NMNAT3: variants seen among roughly 807,000 people sequenced by gnomAD.
The protein encoded by NMNAT3 is nicotinamide nucleotide adenylyltransferase 3, also known as nicotinamide/nicotinic acid mononucleotide adenylyltransferase 3.
A neutral mutation model predicts 24.8 loss-of-function variants in NMNAT3; 21 were observed. That is an observed-to-expected ratio of 0.85 (90% CI 0.60 to 1.22). The LOEUF (loss-of-function observed/expected upper bound fraction) is 1.22. Among genes scored for constraint, NMNAT3 ranks in the 50% most tolerant of loss-of-function variants. The pLI is 0.00. For missense variants in NMNAT3, 387 were observed against 436.6 expected (o/e 0.89, Z 1.01); for synonymous variants, 136 against 155.2 (o/e 0.88, Z 0.92).
At chr3:139,604,743 A>G (rs2054865934) in intron 3 of NMNAT3, among the ~76,000 whole-genome samples, 1 of 152,204 alleles carries the variant, frequency 6.6e-6, no homozygotes, top group Non-Finnish European at 1.5e-5. Flanking sequence ...TAAATATATC[A>G]TCTTGCATGA....
At chr3:139,594,241 A>C (rs1449839515) in intron 3 of NMNAT3, among the ~76,000 whole-genome samples, 1 of 152,132 alleles carries the variant, frequency 6.6e-6, no homozygotes, top group South Asian at 2.1e-4. Context: ...CGACACATAC[A>C]CTCTCCCAAG....
At chr3:139,606,298 C>T (rs2054940819) in intron 3 of NMNAT3, among the ~76,000 whole-genome samples, 2 of 152,148 alleles carry the variant, frequency 1.3e-5, no homozygotes, top group African/African-American at 4.8e-5. Context: ...GAGCACTGGT[C>T]AGTTATTTTG....
chr3:139,610,178 G>A (rs2055142306), intron 3 of NMNAT3, among the ~76,000 whole-genome samples: 1 of 152,064 alleles, frequency 6.6e-6, no homozygotes, highest in Non-Finnish European at 1.5e-5. Context: ...CTCATGAAGT[G>A]TCTGAGGGCC....
intron 1 of NMNAT3, among the ~76,000 whole-genome samples, chr3:139,652,997 T>G (rs989977877): frequency 2.0e-5 from 3 of 152,236 alleles, no homozygotes; most frequent in African/African-American, 7.2e-5. Flanking sequence ...GGTTTCATGA[T>G]AAGTATTTTA....
chr3:139,561,874 C>T (rs924080791), intron 6 of NMNAT3, among the ~76,000 whole-genome samples: 1 of 152,134 alleles, frequency 6.6e-6, no homozygotes, highest in Non-Finnish European at 1.5e-5. Flanking sequence ...ATAACAATCT[C>T]ACTATAAAGA....
chr3:139,674,578 A>G (rs1440781607), intron 1 of NMNAT3, among the ~76,000 whole-genome samples: 3 of 152,262 alleles, frequency 2.0e-5, no homozygotes, highest in African/African-American at 7.2e-5. Context: ...TGAACTTGAA[A>G]GGCACACAAA....
intron 6 of NMNAT3, chr3:139,572,145 G>C: frequency 2.5e-6 from 1 of 398,940 alleles, no homozygotes. Flanking sequence ...GGTGGGGGCT[G>C]GGGCTGGCTG....
chr3:139,647,209 CT>C (rs1348355478), intron 1 of NMNAT3, among the ~76,000 whole-genome samples: 3 of 152,218 alleles, frequency 2.0e-5, no homozygotes, highest in African/African-American at 7.2e-5. Context: ...GCCACACAGT[CT>C]CCAATTTAAG....
At chr3:139,605,436 C>T (rs1356743525) in intron 3 of NMNAT3, among the ~76,000 whole-genome samples, 1 of 152,132 alleles carries the variant, frequency 6.6e-6, no homozygotes, top group Non-Finnish European at 1.5e-5. Flanking sequence ...GCCAAAACCG[C>T]TTTTGAGGTG....
intron 3 of NMNAT3, 55 bp downstream of exon 4, chr3:139,627,561 C>G (rs1190232865): frequency 2.1e-5 from 21 of 987,126 alleles, no homozygotes; most frequent in Non-Finnish European, 3.1e-5. Flanking sequence ...CCAGAAAAGC[C>G]CCATGAAGCC....
intron 3 of NMNAT3, among the ~76,000 whole-genome samples, chr3:139,587,626 C>T (rs1309332659): frequency 6.6e-6 from 1 of 152,112 alleles, no homozygotes; most frequent in Non-Finnish European, 1.5e-5. Flanking sequence ...AAAAGTTTAC[C>T]ACTTCAGGAA....
intron 3 of NMNAT3, among the ~76,000 whole-genome samples, chr3:139,600,203 C>T (rs1264282739): frequency 6.6e-6 from 1 of 152,184 alleles, no homozygotes; most frequent in African/African-American, 2.4e-5. Context: ...TTCCAAATGT[C>T]CTGCTTTCTT....
At chr3:139,592,585 C>T (rs935336731) in intron 3 of NMNAT3, among the ~76,000 whole-genome samples, 7 of 152,126 alleles carry the variant, frequency 4.6e-5, no homozygotes, top group Non-Finnish European at 7.4e-5. Flanking sequence ...TTGGGTTACC[C>T]TCAAAGGGAA....
chr3:139,660,181 G>A (rs757641036), intron 1 of NMNAT3, among the ~76,000 whole-genome samples: 1 of 152,146 alleles, frequency 6.6e-6, no homozygotes, highest in Admixed American at 6.5e-5. Context: ...AGGGTGGGTC[G>A]GTGCCAAGCG....
At chr3:139,656,079 A>G (rs2057231157) in intron 1 of NMNAT3, among the ~76,000 whole-genome samples, 1 of 152,216 alleles carries the variant, frequency 6.6e-6, no homozygotes, top group Non-Finnish European at 1.5e-5. Flanking sequence ...TTGCATCACA[A>G]TCTCTCCTAA....
chr3:139,564,351 A>T (rs969703293), intron 6 of NMNAT3, among the ~76,000 whole-genome samples: 1 of 152,156 alleles, frequency 6.6e-6, no homozygotes, highest in Non-Finnish European at 1.5e-5. Flanking sequence ...CAGCACCTAA[A>T]TTTACCATAC....
At chr3:139,595,352 G>A (rs1425634477) in intron 3 of NMNAT3, among the ~76,000 whole-genome samples, 1 of 152,186 alleles carries the variant, frequency 6.6e-6, no homozygotes, top group African/African-American at 2.4e-5. Context: ...CTCATGGGTA[G>A]GAAGAATCAA....
intron 2 of NMNAT3, among the ~76,000 whole-genome samples, chr3:139,633,181 A>AT (rs1553755551): frequency 0.14 from 14,066 of 99,294 alleles, 706 homozygotes; most frequent in East Asian, 0.33. Flanking sequence ...TTTTTGTTTG[A>AT]TTTTTTTTTT....
intron 2 of NMNAT3, among the ~76,000 whole-genome samples, chr3:139,633,663 C>T (rs2056390586): frequency 6.6e-6 from 1 of 152,096 alleles, no homozygotes; most frequent in South Asian, 2.1e-4. Flanking sequence ...GTGTCAGGCA[C>T]AAGGCACAGC....
Sources: gnomAD v4.1 joint callset for allele counts (sites outside exome capture counted in the v4.1 genomes callset) on GRCh38, gnomAD v4.1.1 for gene constraint, MANE v1.5 for transcripts, NCBI Gene and HGNC (gene_info 2026-07-23, HGNC 2026-07-21) for gene names.